The following NLRP12 variants were observed in gnomAD, a reference collection of about 807,000 sequenced individuals.
NLRP12 encodes the protein NLR family pyrin domain containing 12.
In NLRP12, 108 loss-of-function variants were observed where a neutral mutation model predicts 91.2. The observed-to-expected ratio is 1.18, with a 90% CI of 1.01 to 1.39. NLRP12 has a LOEUF of 1.39. Among genes scored for constraint, NLRP12 ranks in the 40% most tolerant of loss-of-function variants. NLRP12 has a pLI of 0.00. For synonymous variants in NLRP12, 613 were observed against 566.7 expected (o/e 1.08, Z -1.16); for missense variants, 1,530 against 1,352.7 (o/e 1.13, Z -2.06).
intron 2 of NLRP12, among the ~76,000 whole-genome samples, chr19:53,811,829 T>A (rs1285216256): frequency 6.6e-6 from 1 of 152,046 alleles, no homozygotes; most frequent in African/African-American, 2.4e-5. Context: ...CCTTCCAAAG[T>A]GCTAGGATTA....
intron 6 of NLRP12, chr19:53,803,605 A>C: frequency 5.6e-6 from 2 of 355,780 alleles, no homozygotes; most frequent in East Asian, 7.4e-5. Flanking sequence ...ATGGAGTCTC[A>C]CTCTGTCACC....
At chr19:53,802,622 G>T (rs915952530) in intron 6 of NLRP12, among the ~76,000 whole-genome samples, 1 of 151,116 alleles carries the variant, frequency 6.6e-6, no homozygotes, top group African/African-American at 2.4e-5. Context: ...CAGGAGAATG[G>T]TGTGAACCCG....
intron 8 of NLRP12, among the ~76,000 whole-genome samples, chr19:53,797,541 C>G (rs1053778840): frequency 3.3e-5 from 5 of 152,046 alleles, no homozygotes; most frequent in East Asian, 1.9e-4. Flanking sequence ...GCCTCAACCT[C>G]CCGAGTAGCT....
intron 6 of NLRP12, 83 bp downstream of exon 6, chr19:53,803,869 C>G: frequency 2.1e-6 from 3 of 1,412,172 alleles, no homozygotes; most frequent in East Asian, 4.6e-5. Flanking sequence ...CCACTGCGCC[C>G]GACCTGTGGA....
intron 1 of NLRP12, among the ~76,000 whole-genome samples, chr19:53,815,498 T>C (rs372716054): frequency 3.4e-4 from 50 of 148,728 alleles, no homozygotes; most frequent in African/African-American, 1.2e-3. Flanking sequence ...AAGTGCTGGG[T>C]TTACAGATGT....
intron 3 of NLRP12, among the ~76,000 whole-genome samples, chr19:53,809,368 T>G (rs2092014909): frequency 6.6e-6 from 1 of 150,468 alleles, no homozygotes; most frequent in Non-Finnish European, 1.5e-5. Flanking sequence ...CTGTCTCTAC[T>G]AAAAATACAA....
At chr19:53,820,969 G>A (rs2092256477) in intron 1 of NLRP12, among the ~76,000 whole-genome samples, 1 of 150,362 alleles carries the variant, frequency 6.7e-6, no homozygotes, top group African/African-American at 2.4e-5. Flanking sequence ...GCTCTGAATT[G>A]TGTTAAGCAC....
At position 53,809,693 on chromosome 19, in the gene NLRP12, G is replaced by A. The variant is rs1183145840; in HGVS notation, c.1966C>T (p.Arg656Cys). Residue 656 changes from arginine to cysteine, a missense_variant, in exon 3 of 10, where the codon CGC (arginine) becomes TGC (cysteine). Transcript: ENST00000324134. ...TGCAGCACCTGGGCGCTCCTGCAGC[G>A]CTTCAGACAGAACGAGGAGACCATG... is the stretch of plus-strand genomic sequence containing the variant. ...EHMVSSFCLK[R>C]CRSAQVLHLY... 5 of 1,614,082 alleles carry A rather than the reference G, an allele frequency of 3.1e-6. No homozygotes were observed. Among genetic ancestry groups the A allele is most frequent in the Non-Finnish European group, 4.2e-6 (5 of 1,180,008 alleles).
rs373806981 is a variant in NLRP12 at position 53,809,710 on chromosome 19, G to A, written c.1949C>T (p.Ser650Phe). 3 of 1,613,994 alleles carry A rather than the reference G, an allele frequency of 1.9e-6. No individual in the cohort carries two copies. The highest frequency in any genetic ancestry group is 1.1e-5 in the South Asian group (1 of 91,086). Residue 650 changes from serine (S) to phenylalanine (F), a missense_variant, in exon 3 of 10, where the codon TCC becomes TTC. Transcript: ENST00000324134. The part of the protein sequence containing the change: ...NIASKMEHMV[S>F]SFCLKRCRSA... ...CCTGCAGCGCTTCAGACAGAACGAG[G>A]AGACCATGTGCTCCATCTTGGAGGC...
At chr19:53,795,619 C>G (rs2091741915) in intron 9 of NLRP12, among the ~76,000 whole-genome samples, 1 of 151,854 alleles carries the variant, frequency 6.6e-6, no homozygotes, top group African/African-American at 2.4e-5. Context: ...CGTGATCCAC[C>G]CGCCTCGGCC....
At chr19:53,812,291 G>A (rs937225134) in intron 2 of NLRP12, among the ~76,000 whole-genome samples, 8 of 151,372 alleles carry the variant, frequency 5.3e-5, no homozygotes, top group East Asian at 1.9e-4. Context: ...ACTTTAAGAC[G>A]CATACATATC....
chr19:53,805,247 C>T (rs777521685), intron 5 of NLRP12, 33 bp downstream of exon 5: 7 of 1,602,020 alleles, frequency 4.4e-6, no homozygotes, highest in Admixed American at 1.7e-5. Flanking sequence ...AGACAATGAG[C>T]TTAAGAAGTT....
rs942100450 is a variant in NLRP12, at chr19:53,804,408, T to G, written c.2415-286A>C. The stretch of plus-strand genomic sequence containing the variant: ...TTTTTTTTGGGTTTTTTTGTTTTTT[T>G]TTTTTTTTGAGGTAGAACCTCATTC... On this transcript the variant is annotated intron_variant, in intron 5 of 9. Transcript: ENST00000324134. Among the ~76,000 whole-genome samples, 13 of 147,900 alleles carry G rather than the reference T, an allele frequency of 8.8e-5. 1 individual carries two copies. Among genetic ancestry groups the G allele is most frequent in the South Asian group, 6.4e-4 (3 of 4,690 alleles).
chr19:53,798,781 G>A (rs749484800), intron 7 of NLRP12, among the ~76,000 whole-genome samples: 2 of 152,106 alleles, frequency 1.3e-5, no homozygotes, highest in Admixed American at 1.3e-4. Context: ...CCCTCTTGTT[G>A]TCCAGGCTGG....
chr19:53,805,675 G>T (rs867789120), intron 4 of NLRP12: 5 of 590,196 alleles, frequency 8.5e-6, no homozygotes, highest in Non-Finnish European at 1.6e-5. Context: ...GTGCCACCAT[G>T]CCTGGCTCAT....
At chr19:53,813,177 G>A (rs938837494) in intron 2 of NLRP12, among the ~76,000 whole-genome samples, 7 of 151,454 alleles carry the variant, frequency 4.6e-5, no homozygotes, top group African/African-American at 1.7e-4. Context: ...CACTGTGCCT[G>A]GCCGCCAATG....
rs143345713 is a variant in NLRP12 at position 53,804,569 on chromosome 19, C to A, written c.2415-447G>T. On this transcript the variant is annotated intron_variant, in intron 5 of 9. Transcript: ENST00000324134. ...GGCTACAGGTGTGTGCCACCACGCC[C>A]AGCTAAGTTTTGCATTTTTAGTAGA... is the stretch of plus-strand genomic sequence containing the variant. Among the ~76,000 whole-genome samples, 812 of 150,592 alleles carry A rather than the reference C, an allele frequency of 5.4e-3. 9 individuals carry two copies. The highest frequency in any genetic ancestry group is 0.019 in the African/African-American group (789 of 41,282).
chr19:53,806,762 G>T (rs1311347716), intron 4 of NLRP12, among the ~76,000 whole-genome samples: 1 of 147,396 alleles, frequency 6.8e-6, no homozygotes, highest in Non-Finnish European at 1.5e-5. Flanking sequence ...TGATGCTGGA[G>T]CAAGAGGATC....
chr19:53,802,534 C>T (rs1041286261), intron 6 of NLRP12, among the ~76,000 whole-genome samples: 1 of 151,756 alleles, frequency 6.6e-6, no homozygotes, highest in Admixed American at 6.6e-5. Flanking sequence ...GGTGAAACCC[C>T]GTCTCTACTA....
Sources: allele counts gnomAD v4.1 joint callset (sites outside exome capture counted in the v4.1 genomes callset), GRCh38; gene constraint gnomAD v4.1.1; transcripts MANE v1.5; gene names NCBI Gene and HGNC (gene_info 2026-07-23, HGNC 2026-07-21).